Variants in RPS6KA2 observed in about 807,000 individuals in gnomAD.
RPS6KA2 encodes ribosomal protein S6 kinase alpha-2.
In RPS6KA2, 42 loss-of-function variants were observed where a neutral mutation model predicts 91.8. That is an observed-to-expected ratio of 0.46 (90% CI 0.36 to 0.59). The LOEUF (loss-of-function observed/expected upper bound fraction) is 0.59, where lower values mean the gene tolerates loss of function less well. Ranked by LOEUF, RPS6KA2 falls within the 20% of genes least tolerant of loss-of-function variation. RPS6KA2 has a pLI of 0.00. For synonymous variants in RPS6KA2, 414 were observed against 393.6 expected, an observed-to-expected ratio of 1.05 and a Z score of -0.61; for missense variants, 798 against 978.5, an observed-to-expected ratio of 0.82 and a Z score of 2.46.
In RPS6KA2 at chr6:166,488,818, C is replaced by T. The variant is rs373411379; in HGVS notation, c.907+15G>A. On this transcript the variant is annotated intron_variant, in intron 10 of 20. Coordinates refer to ENST00000265678, the MANE Select transcript of RPS6KA2 (RefSeq NM_021135.6). ...CCTGCACGTTCCCGTGGTGGGGTGT[C>T]CCGGGGAATCTTACCCAGCCGGTTG... 3.4e-5 allele frequency: 54 copies of T among 1,606,326 alleles called. No homozygotes were observed. Among genetic ancestry groups the T allele is most frequent in the Non-Finnish European group, 4.4e-5 (52 of 1,175,302 alleles).
intron 2 of RPS6KA2, among the ~76,000 whole-genome samples, chr6:166,820,539 A>T (rs2734344): frequency 6.6e-6 from 1 of 151,990 alleles, no homozygotes; most frequent in Admixed American, 6.5e-5. Flanking sequence ...GTTAGAAAAC[A>T]TTTACATTCC....
At chr6:166,671,439 T>C (rs1788468553) in intron 2 of RPS6KA2, among the ~76,000 whole-genome samples, 1 of 152,114 alleles carries the variant, frequency 6.6e-6, no homozygotes. Context: ...TCATATTCAC[T>C]ACTCCTGGAG....
At chr6:166,691,219 G>A (rs953429240) in intron 2 of RPS6KA2, among the ~76,000 whole-genome samples, 21 of 152,128 alleles carry the variant, frequency 1.4e-4, no homozygotes, top group African/African-American at 4.8e-4. Context: ...CACTAAGAGT[G>A]CTGCCAGGAC....
At chr6:166,503,028 G>C (rs1055693638) in intron 6 of RPS6KA2, among the ~76,000 whole-genome samples, 1 of 152,158 alleles carries the variant, frequency 6.6e-6, no homozygotes, top group Non-Finnish European at 1.5e-5. Flanking sequence ...ATTCATTTAT[G>C]TTTCATATAT....
chr6:166,503,027 T>A (rs1483834367), intron 6 of RPS6KA2, among the ~76,000 whole-genome samples: 33 of 152,248 alleles, frequency 2.2e-4, no homozygotes, highest in Admixed American at 2.2e-3. Flanking sequence ...AATTCATTTA[T>A]GTTTCATATA....
At chr6:166,826,795 G>A (rs1218930304) in intron 2 of RPS6KA2, among the ~76,000 whole-genome samples, 1 of 152,094 alleles carries the variant, frequency 6.6e-6, no homozygotes, top group Non-Finnish European at 1.5e-5. Flanking sequence ...TTGGTCTACT[G>A]GATTATTGAG....
intron 2 of RPS6KA2, among the ~76,000 whole-genome samples, chr6:166,531,529 G>A (rs564114811): frequency 6.6e-6 from 1 of 152,312 alleles, no homozygotes; most frequent in Admixed American, 6.5e-5. Context: ...CCTGTATGAA[G>A]AAGCGTCATT....
chr6:166,828,992 T>TA (rs1780113023), intron 2 of RPS6KA2, among the ~76,000 whole-genome samples: 2 of 151,826 alleles, frequency 1.3e-5, no homozygotes, highest in South Asian at 4.2e-4. Context: ...TCAATAACAA[T>TA]AAAAAACCAA....
At chr6:166,775,266 G>A (rs55691444) in intron 2 of RPS6KA2, among the ~76,000 whole-genome samples, 18,271 of 80,904 alleles carry the variant, frequency 0.23, 1,184 homozygotes, top group Middle Eastern at 0.27. Flanking sequence ...CCCCACCCCC[G>A]GCCCCTTCGC....
At chr6:166,620,066 A>T (rs1360067838) in intron 1 of RPS6KA2, among the ~76,000 whole-genome samples, 2 of 152,190 alleles carry the variant, frequency 1.3e-5, no homozygotes, top group Non-Finnish European at 2.9e-5. Flanking sequence ...GTTACCGTGC[A>T]CTTCGAGTGC....
intron 10 of RPS6KA2, among the ~76,000 whole-genome samples, chr6:166,486,277 C>T (rs890463700): frequency 6.6e-5 from 10 of 151,588 alleles, no homozygotes; most frequent in South Asian, 2.1e-4. Flanking sequence ...CACATGTGCA[C>T]GCACACGCAT....
chr6:166,506,799 G>C (rs1355093007), intron 5 of RPS6KA2, among the ~76,000 whole-genome samples: 1 of 152,146 alleles, frequency 6.6e-6, no homozygotes, highest in African/African-American at 2.4e-5. Flanking sequence ...AAAAGGGAGT[G>C]GGGGGTGTGA....
chr6:166,815,935 T>C (rs1779749392), intron 2 of RPS6KA2, among the ~76,000 whole-genome samples: 1 of 152,208 alleles, frequency 6.6e-6, no homozygotes, highest in Non-Finnish European at 1.5e-5. Context: ...TAAAGAGTAG[T>C]AGCTGTGCTA....
chr6:166,673,184 C>G (rs1376065363), intron 2 of RPS6KA2, among the ~76,000 whole-genome samples: 1 of 152,236 alleles, frequency 6.6e-6, no homozygotes, highest in East Asian at 1.9e-4. Context: ...GGCACCTTCT[C>G]TACACTGTAG....
At chr6:166,460,381 G>C (rs1167459576) in intron 11 of RPS6KA2, among the ~76,000 whole-genome samples, 1 of 152,216 alleles carries the variant, frequency 6.6e-6, no homozygotes, top group African/African-American at 2.4e-5. Context: ...TGTAAAGAAA[G>C]CACACACAGG....
At chr6:166,742,150 C>CA (rs1562411535) in intron 2 of RPS6KA2, among the ~76,000 whole-genome samples, 1 of 151,888 alleles carries the variant, frequency 6.6e-6, no homozygotes, top group Admixed American at 6.6e-5. Flanking sequence ...AAAAACAAAA[C>CA]AAAAAAAGAC....
intron 1 of RPS6KA2, among the ~76,000 whole-genome samples, chr6:166,566,366 A>G (rs2128507871): frequency 6.6e-6 from 1 of 152,290 alleles, no homozygotes; most frequent in South Asian, 2.1e-4. Context: ...TCAGGCAGGG[A>G]CACCTGAGCC....
intron 2 of RPS6KA2, among the ~76,000 whole-genome samples, chr6:166,762,105 C>T (rs1364123934): frequency 6.6e-6 from 1 of 152,170 alleles, no homozygotes; most frequent in Non-Finnish European, 1.5e-5. Flanking sequence ...GTCTGTCCCA[C>T]CTGGACCAAG....
At chr6:166,579,296 G>C (rs1784935064) in intron 1 of RPS6KA2, among the ~76,000 whole-genome samples, 1 of 152,172 alleles carries the variant, frequency 6.6e-6, no homozygotes, top group Non-Finnish European at 1.5e-5. Flanking sequence ...AATCCAGGTT[G>C]AGATGGGCCC....
Sources: gnomAD v4.1 joint callset for allele counts (sites outside exome capture counted in the v4.1 genomes callset) on GRCh38, gnomAD v4.1.1 for gene constraint, MANE v1.5 for transcripts, NCBI Gene and HGNC (gene_info 2026-07-23, HGNC 2026-07-21) for gene names.